Variants in CELF4 observed in about 807,000 individuals in gnomAD.
CELF4 encodes the protein CUGBP Elav-like family member 4, also known as CUG-BP- and ETR-3-like factor 4.
Under a neutral mutation model 59.9 loss-of-function variants are expected in CELF4, and 18 were observed. The ratio of observed to expected loss-of-function variants is 0.30; its 90% CI spans 0.21 to 0.45. The LOEUF (loss-of-function observed/expected upper bound fraction) is 0.45, where lower values mean the gene tolerates loss of function less well. CELF4 is among the 20% of genes least tolerant of loss of function. The probability of loss-of-function intolerance (pLI) is 1.00; values close to 1 mark genes in which losing one functional copy is unlikely to be tolerated. For synonymous variants in CELF4, 261 were observed against 267.1 expected, an observed-to-expected ratio of 0.98 and a Z score of 0.22; for missense variants, 456 against 689.0, an observed-to-expected ratio of 0.66 and a Z score of 3.79.
intron 2 of CELF4, among the ~76,000 whole-genome samples, chr18:37,347,902 G>T (rs1224390155): frequency 6.6e-6 from 1 of 152,146 alleles, no homozygotes; most frequent in Non-Finnish European, 1.5e-5. Flanking sequence ...CTCCCAGAGG[G>T]CTCCCCTTTA....
intron 3 of CELF4, among the ~76,000 whole-genome samples, chr18:37,301,315 C>G (rs764794070): frequency 1.3e-5 from 2 of 152,190 alleles, no homozygotes; most frequent in Non-Finnish European, 2.9e-5. Context: ...GCCCCCTGTC[C>G]CTGCCTGATT....
At chr18:37,430,503 T>C (rs1470854348) in intron 2 of CELF4, among the ~76,000 whole-genome samples, 1 of 152,068 alleles carries the variant, frequency 6.6e-6, no homozygotes, top group Non-Finnish European at 1.5e-5. Context: ...AAGGATGGTG[T>C]GTAGCGCAGT....
At chr18:37,485,165 C>G (rs893085953) in intron 2 of CELF4, among the ~76,000 whole-genome samples, 2 of 152,088 alleles carry the variant, frequency 1.3e-5, no homozygotes, top group African/African-American at 2.4e-5. Flanking sequence ...CACGCCGGCC[C>G]CCTCCTCCCC....
chr18:37,326,822 C>T (rs940813869), intron 2 of CELF4, among the ~76,000 whole-genome samples: 31 of 152,282 alleles, frequency 2.0e-4, no homozygotes, highest in African/African-American at 7.0e-4. Context: ...GCTCTGCCTC[C>T]CTTCCCCCTC....
In CELF4 at chr18:37,270,785, C is replaced by A; in HGVS notation, c.1082G>T (p.Gly361Val). 1 of 1,613,830 alleles carries A rather than the reference C, an allele frequency of 6.2e-7. No homozygotes were observed. Among genetic ancestry groups the A allele is most frequent in the Non-Finnish European group, 8.5e-7 (1 of 1,179,924 alleles). ...QPAAEAVFANGIHPYPAQSPT... is the reference protein window; with the variant it reads ...QPAAEAVFANVIHPYPAQSPT... ...GTGCTTACCTGGGTAGGGGTGGATG[C>A]CATTGGCGAACACAGCTTCCGCAGC... Residue 361 changes from glycine (G) to valine (V), a missense_variant, in exon 8 of 13, where the codon GGC (glycine) becomes GTC (valine). Physicochemically the swap from Gly to Val is moderately radical, Grantham distance 109. This residue lies in a region of CELF4 where 256 missense variants were observed against 340.8 expected (regional missense o/e 0.75). Coordinates refer to ENST00000420428, the MANE Select transcript of CELF4 (RefSeq NM_020180.4).
chr18:37,355,913 T>C (rs184467451), intron 2 of CELF4, among the ~76,000 whole-genome samples: 4 of 152,262 alleles, frequency 2.6e-5, no homozygotes, highest in African/African-American at 9.6e-5. Context: ...GCAGTGGGGA[T>C]ACCTACATGA....
chr18:37,455,624 T>C (rs932518966), intron 2 of CELF4, among the ~76,000 whole-genome samples: 3 of 152,176 alleles, frequency 2.0e-5, no homozygotes, highest in African/African-American at 7.2e-5. Context: ...GGACACAGAA[T>C]GTGAGCATGG....
At chr18:37,311,484 A>T (rs1478679073) in intron 3 of CELF4, among the ~76,000 whole-genome samples, 1 of 152,176 alleles carries the variant, frequency 6.6e-6, no homozygotes, top group Non-Finnish European at 1.5e-5. Flanking sequence ...GGAGATAAAG[A>T]TTCTCTTAAA....
At chr18:37,404,350 C>T (rs773598455) in intron 2 of CELF4, among the ~76,000 whole-genome samples, 4 of 152,186 alleles carry the variant, frequency 2.6e-5, no homozygotes, top group Non-Finnish European at 5.9e-5. Flanking sequence ...AGAGGAGGCC[C>T]CCCATTTCCA....
chr18:37,333,998 A>T (rs547597376), intron 2 of CELF4, among the ~76,000 whole-genome samples: 24 of 152,152 alleles, frequency 1.6e-4, no homozygotes, highest in African/African-American at 5.3e-4. Context: ...CTGTTGCTTG[A>T]TTCCCTGAAT....
At chr18:37,255,465 A>C (rs1223510072) in intron 11 of CELF4, among the ~76,000 whole-genome samples, 2 of 151,576 alleles carry the variant, frequency 1.3e-5, no homozygotes, top group East Asian at 3.9e-4. Flanking sequence ...GGCCCAGAGC[A>C]ACAAAACTAA....
At chr18:37,470,881 T>TGA (rs1569569555) in intron 2 of CELF4, among the ~76,000 whole-genome samples, 4 of 80,882 alleles carry the variant, frequency 4.9e-5, no homozygotes, top group African/African-American at 1.8e-4. Context: ...TGTGTGTGTG[T>TGA]GTGTGTGACA....
intron 2 of CELF4, among the ~76,000 whole-genome samples, chr18:37,437,655 G>A (rs11659173): frequency 0.042 from 6,323 of 152,254 alleles, 198 homozygotes; most frequent in Middle Eastern, 0.061. Context: ...GATCTCTGGC[G>A]AGGACACATC....
At chr18:37,549,497 T>C (rs2099982484) in intron 1 of CELF4, among the ~76,000 whole-genome samples, 1 of 152,200 alleles carries the variant, frequency 6.6e-6, no homozygotes, top group Admixed American at 6.5e-5. Context: ...CCTGATTCAC[T>C]GGTGACCCCT....
Position 37,253,736 on chromosome 18 carries a change from C to A in CELF4, c.*44+31G>T. 6.6e-7 allele frequency: 1 copy of A among 1,514,430 alleles called. No individual in the cohort carries two copies. Among genetic ancestry groups the A allele is most frequent in the Non-Finnish European group, 8.9e-7 (1 of 1,123,468 alleles). 93.8% of individuals were successfully genotyped at this position (1,514,430 alleles called of 1,614,324 possible). On this transcript the variant is annotated intron_variant, in intron 12 of 12. Coordinates refer to ENST00000420428, the MANE Select transcript of CELF4 (RefSeq NM_020180.4). This position sits in a 1 kb window ranked among gnomAD's most constrained non-coding sequence, Gnocchi z 4.5. ...GGTCCGTCTGGTTCCCTCCCAACCC[C>A]CGTCCCCGCGCCCCGGCCGCCCCCG... is the stretch of plus-strand genomic sequence containing the variant.
At chr18:37,318,630 TCC>T (rs11334635) in intron 3 of CELF4, among the ~76,000 whole-genome samples, 6,662 of 129,072 alleles carry the variant, frequency 0.052, 192 homozygotes, top group African/African-American at 0.067. Context: ...TCCCTACACC[TCC>T]CCCCCCCCCC....
chr18:37,439,653 G>A (rs1203658481), intron 2 of CELF4, among the ~76,000 whole-genome samples: 1 of 151,996 alleles, frequency 6.6e-6, no homozygotes, highest in Non-Finnish European at 1.5e-5. Flanking sequence ...CTCTTCTCTG[G>A]GAAGCTCTCC....
chr18:37,259,926 C>G (rs1362784814), intron 10 of CELF4, among the ~76,000 whole-genome samples: 1 of 152,234 alleles, frequency 6.6e-6, no homozygotes, highest in East Asian at 1.9e-4. Context: ...CCAGGGAACC[C>G]TCCAGCCTCA....
intron 1 of CELF4, among the ~76,000 whole-genome samples, chr18:37,550,797 C>G (rs535830943): frequency 6.6e-6 from 1 of 152,216 alleles, no homozygotes; most frequent in South Asian, 2.1e-4. Flanking sequence ...TCTGGCCTGG[C>G]CTGTGCCAGA....
Sources: gnomAD v4.1 joint callset for allele counts (sites outside exome capture counted in the v4.1 genomes callset) on GRCh38, gnomAD v4.1.1 for gene constraint, gnomAD v4.1.1 regional missense constraint, Gnocchi (gnomAD v3.1) non-coding constraint, MANE v1.5 for transcripts, NCBI Gene and HGNC (gene_info 2026-07-23, HGNC 2026-07-21) for gene names.